EYS: variants seen among roughly 807,000 people sequenced by gnomAD.
EYS encodes protein eyes shut homolog.
A neutral mutation model predicts 282.1 loss-of-function variants in EYS; 250 were observed. The observed-to-expected ratio is 0.89, with a 90% confidence interval of 0.80 to 0.98. The LOEUF (loss-of-function observed/expected upper bound fraction) is 0.98, where lower values mean the gene tolerates loss of function less well. Ranked by LOEUF, EYS falls within the 50% of genes least tolerant of loss-of-function variation. EYS has a pLI of 0.00. For synonymous variants in EYS, 1,355 were observed against 1,282.9 expected, an observed-to-expected ratio of 1.06 and a Z score of -1.20; for missense variants, 4,016 against 3,709.0, an observed-to-expected ratio of 1.08 and a Z score of -2.15.
chr6:64,388,608 G>C (rs1273855345), intron 29 of EYS, 82 bp downstream of exon 29: 3 of 1,299,676 alleles, frequency 2.3e-6, no homozygotes, highest in Non-Finnish European at 3.1e-6. Flanking sequence ...TATTTCTAAA[G>C]TTTTTCTTTT....
At chr6:64,505,134 G>A (rs1012467262) in intron 26 of EYS, among the ~76,000 whole-genome samples, 1 of 152,190 alleles carries the variant, frequency 6.6e-6, no homozygotes, top group Non-Finnish European at 1.5e-5. Flanking sequence ...TAGAGATACA[G>A]AATAATGTTG....
intron 36 of EYS, among the ~76,000 whole-genome samples, chr6:63,856,237 A>G (rs1272993069): frequency 1.3e-5 from 2 of 149,574 alleles, no homozygotes; most frequent in Non-Finnish European, 3.0e-5. Context: ...GCTTGAGAAT[A>G]AACTACAGAG....
chr6:65,505,556 T>C (rs1393792765), intron 2 of EYS, among the ~76,000 whole-genome samples: 1 of 152,108 alleles, frequency 6.6e-6, no homozygotes, highest in Non-Finnish European at 1.5e-5. Flanking sequence ...CTCTGTGCAC[T>C]GCTTTTTCTG....
At chr6:64,203,417 A>G (rs539508574) in intron 31 of EYS, among the ~76,000 whole-genome samples, 1 of 152,308 alleles carries the variant, frequency 6.6e-6, no homozygotes, top group Non-Finnish European at 1.5e-5. Flanking sequence ...GTGAGGACAT[A>G]TAGAAGAGTG....
At chr6:64,583,588 G>A (rs1766141048) in intron 26 of EYS, among the ~76,000 whole-genome samples, 2 of 152,088 alleles carry the variant, frequency 1.3e-5, no homozygotes, top group Admixed American at 1.3e-4. Context: ...CTGAGGTTAG[G>A]AGTTCAAGAC....
intron 31 of EYS, among the ~76,000 whole-genome samples, chr6:64,094,612 CA>C (rs1772512001): frequency 1.3e-5 from 2 of 152,098 alleles, no homozygotes; most frequent in Non-Finnish European, 2.9e-5. Flanking sequence ...TCCCCTTTAT[CA>C]TTTTTTTATT....
At chr6:64,316,462 A>AGTTGCTACAAAGAGAATAAAATACCTAG (rs1333111578) in intron 29 of EYS, among the ~76,000 whole-genome samples, 23 of 152,300 alleles carry the variant, frequency 1.5e-4, no homozygotes, top group Non-Finnish European at 2.9e-4. Flanking sequence ...TCCCATTCAC[A>AGTTGCTACAAAGAGAATAAAATACCTAG]GTTGCTACAA....
intron 28 of EYS, among the ~76,000 whole-genome samples, chr6:64,429,632 A>C (rs1268129963): frequency 6.6e-6 from 1 of 152,194 alleles, no homozygotes; most frequent in Non-Finnish European, 1.5e-5. Context: ...TTCTTTCTTG[A>C]GACCCTGTCT....
intron 13 of EYS, among the ~76,000 whole-genome samples, chr6:65,010,541 G>C (rs1771834082): frequency 6.6e-6 from 1 of 152,192 alleles, no homozygotes; most frequent in Admixed American, 6.5e-5. Context: ...CATTTTAGAG[G>C]TTCCCTTGAC....
At chr6:65,666,538 GGTAGTAAATATTATGTGGTT>G (rs1214111684) in intron 1 of EYS, among the ~76,000 whole-genome samples, 2 of 151,622 alleles carry the variant, frequency 1.3e-5, no homozygotes, top group East Asian at 3.9e-4. Context: ...ATACCTGTCG[GGTAGTAAATATTATGTGGTT>G]GTACTAAATA....
At chr6:63,970,271 T>C (rs986208652) in intron 35 of EYS, among the ~76,000 whole-genome samples, 1 of 152,192 alleles carries the variant, frequency 6.6e-6, no homozygotes, top group Non-Finnish European at 1.5e-5. Context: ...AAGGCCCTTG[T>C]GAGCAAGGCG....
intron 19 of EYS, among the ~76,000 whole-genome samples, chr6:64,868,308 T>C (rs938050052): frequency 1.3e-5 from 2 of 151,474 alleles, no homozygotes; most frequent in African/African-American, 2.4e-5. Flanking sequence ...TATTTTTTTC[T>C]CATTTTCATA....
At chr6:64,792,503 G>A (rs972689417) in intron 22 of EYS, among the ~76,000 whole-genome samples, 49 of 151,898 alleles carry the variant, frequency 3.2e-4, no homozygotes, top group Non-Finnish European at 5.6e-4. Flanking sequence ...CTAAAGTTAA[G>A]CAGTACCAAG....
intron 1 of EYS, among the ~76,000 whole-genome samples, chr6:65,666,236 T>C (rs976413789): frequency 6.6e-6 from 1 of 151,866 alleles, no homozygotes; most frequent in Non-Finnish European, 1.5e-5. Context: ...AGCTATATAA[T>C]AGGTTGTCAA....
rs530336851 is a variant in EYS at position 65,292,932 on chromosome 6, G to A, written c.2023+2931C>T. 4.0e-5 allele frequency among the ~76,000 whole-genome samples: 6 copies of A among 151,718 alleles called. No homozygotes were observed. In the South Asian group the frequency reaches 1.2e-3, roughly 31 times the overall value. On this transcript the variant is annotated intron_variant, in intron 12 of 42. Coordinates refer to ENST00000503581, the MANE Select transcript of EYS (RefSeq NM_001142800.2). ...TGCAAGTCAAATTTATAATATATAA[G>A]ATTGTATCAGAAAAGGAGTTTGCTT...
chr6:64,834,725 A>G (rs1164262642), intron 19 of EYS, among the ~76,000 whole-genome samples: 6 of 151,886 alleles, frequency 4.0e-5, no homozygotes, highest in South Asian at 2.1e-4. Context: ...TTTTAAAAAT[A>G]CTAAGTCTCT....
At chr6:65,662,838 G>GT in intron 1 of EYS, among the ~76,000 whole-genome samples, 1 of 152,184 alleles carries the variant, frequency 6.6e-6, no homozygotes, top group Non-Finnish European at 1.5e-5. Context: ...AGTTAGTCAA[G>GT]GTTGTTATAA....
chr6:64,027,638 G>A (rs1310347343), intron 33 of EYS, among the ~76,000 whole-genome samples: 1 of 152,178 alleles, frequency 6.6e-6, no homozygotes, highest in Non-Finnish European at 1.5e-5. Context: ...TCACCTGGTA[G>A]GGCTTGTTAT....
intron 12 of EYS, among the ~76,000 whole-genome samples, chr6:65,150,127 A>G (rs1405673877): frequency 6.6e-6 from 1 of 152,036 alleles, no homozygotes; most frequent in Non-Finnish European, 1.5e-5. Context: ...GGGAACTACA[A>G]TTCAAGATAA....
Sources: allele counts gnomAD v4.1 joint callset (sites outside exome capture counted in the v4.1 genomes callset), GRCh38; gene constraint gnomAD v4.1.1; transcripts MANE v1.5; gene names NCBI Gene and HGNC (gene_info 2026-07-23, HGNC 2026-07-21).